The following JAKMIP1 variants were observed in gnomAD, a reference collection of about 807,000 sequenced individuals.
The protein encoded by JAKMIP1 is janus kinase and microtubule-interacting protein 1.
A neutral mutation model predicts 113.0 loss-of-function variants in JAKMIP1; 33 were observed. That is an observed-to-expected ratio of 0.29 (90% CI 0.22 to 0.39). The LOEUF is 0.39. Among genes scored for constraint, JAKMIP1 ranks in the 10% least tolerant of loss-of-function variants. JAKMIP1 has a pLI of 1.00. For synonymous variants in JAKMIP1, 480 were observed against 459.9 expected (o/e 1.04, Z -0.56); for missense variants, 813 against 1,080.5 (o/e 0.75, Z 3.47).
rs548283475 is a variant in JAKMIP1, at chr4:6,059,716, G to C, written c.1644+708C>G. On this transcript the variant is annotated intron_variant, in intron 11 of 20. Coordinates refer to ENST00000409021, the MANE Select transcript of JAKMIP1 (RefSeq NM_001099433.2). The surrounding 1 kb of genome is among the most constrained non-coding windows in gnomAD (Gnocchi z 4.8). ...AGGCCCTTGGGAGAAACAGGAGTGTGAACAGAATACACCTTGTCACATGGA... is the reference window on the plus strand; with the variant it reads ...AGGCCCTTGGGAGAAACAGGAGTGTCAACAGAATACACCTTGTCACATGGA... Among the ~76,000 whole-genome samples, 4 of 152,220 alleles carry C rather than the reference G, an allele frequency of 2.6e-5. No homozygotes were observed. In the East Asian group the frequency reaches 7.8e-4, roughly 30 times the overall value.
Position 6,200,531 on chromosome 4 carries a change from G to T in JAKMIP1, c.-426C>A, listed in dbSNP as rs1300008166. 6.7e-6 allele frequency: 1 copy of T among 150,212 alleles called. No individual in the cohort carries two copies. The highest frequency in any genetic ancestry group is 1.5e-5 in the Non-Finnish European group (1 of 67,380). The allele number at this position is 150,212 out of a possible 1,614,324, so 9.3% of individuals were successfully genotyped here. A position where few individuals can be genotyped will look rare whatever the true frequency, so the allele number is the denominator to read the frequency against. ...CGCGATCCGGGCAGGCGGCCGGCGC[G>T]TGCCGCACGCGGGTGGCTGCAGCTC... On this transcript the variant is annotated 5_prime_UTR_variant, in exon 1 of 21. Transcript: ENST00000409021. This position sits in a 1 kb window ranked among gnomAD's most constrained non-coding sequence, Gnocchi z 7.0.
chr4:6,189,635 G>A (rs1026255306), intron 1 of JAKMIP1, among the ~76,000 whole-genome samples: 2 of 152,198 alleles, frequency 1.3e-5, no homozygotes, highest in South Asian at 2.1e-4. Flanking sequence ...TACCCTCACA[G>A]AGCCCTCTGT....
At chr4:6,122,533 G>C (rs1459653512) in intron 1 of JAKMIP1, among the ~76,000 whole-genome samples, 1 of 152,218 alleles carries the variant, frequency 6.6e-6, no homozygotes, top group Non-Finnish European at 1.5e-5. Context: ...AGATGGTGCT[G>C]AGATTCAAGG....
chr4:6,088,089 G>C lies in JAKMIP1; in HGVS notation c.625-2460C>G, dbSNP rs750866327. The stretch of plus-strand genomic sequence containing the variant: ...TTATTCATTTAATTCACTCAAGCAC[G>C]CTTTCATTAACTCAACACATGCTGA... On this transcript the variant is annotated intron_variant, in intron 3 of 20. Coordinates refer to ENST00000409021, the MANE Select transcript of JAKMIP1 (RefSeq NM_001099433.2). The surrounding 1 kb of genome is among the most constrained non-coding windows in gnomAD (Gnocchi z 5.5). 5.9e-5 allele frequency among the ~76,000 whole-genome samples: 9 copies of C among 152,194 alleles called. No homozygotes were observed. The highest frequency in any genetic ancestry group is 5.2e-4 in the Admixed American group (8 of 15,286).
chr4:6,177,278 C>A (rs75429247), intron 1 of JAKMIP1, among the ~76,000 whole-genome samples: 2,145 of 152,286 alleles, frequency 0.014, 19 homozygotes, highest in Middle Eastern at 0.02. Flanking sequence ...CCGACCTCCC[C>A]ATTGCACAGA....
intron 2 of JAKMIP1, among the ~76,000 whole-genome samples, chr4:6,109,079 G>A (rs1195868470): frequency 6.6e-6 from 1 of 151,758 alleles, no homozygotes; most frequent in East Asian, 1.9e-4. Context: ...GAAACTGCTG[G>A]GTCTAGCGCT....
rs989796870 is a variant in JAKMIP1, at chr4:6,106,642, C to G, written c.130-675G>C. ...GCTGCCCAGGGTGAGGGATGAGGAC[C>G]CTGTGCTACCAGGCAACCCACCCCG... is the stretch of plus-strand genomic sequence containing the variant. On this transcript the variant is annotated intron_variant, in intron 2 of 20. Coordinates refer to ENST00000409021, the MANE Select transcript of JAKMIP1 (RefSeq NM_001099433.2). This position sits in a 1 kb window ranked among gnomAD's most constrained non-coding sequence, Gnocchi z 5.9. 2.6e-5 allele frequency among the ~76,000 whole-genome samples: 4 copies of G among 152,106 alleles called. No homozygotes were observed. The highest frequency in any genetic ancestry group is 4.4e-5 in the Non-Finnish European group (3 of 68,006).
At position 6,106,961 on chromosome 4, in the gene JAKMIP1, A is replaced by G. The variant is rs939281109; in HGVS notation, c.130-994T>C. On this transcript the variant is annotated intron_variant, in intron 2 of 20. Coordinates refer to ENST00000409021, the MANE Select transcript of JAKMIP1 (RefSeq NM_001099433.2). This position sits in a 1 kb window ranked among gnomAD's most constrained non-coding sequence, Gnocchi z 5.9. ...ATAGTCACATGTTAAAATTAATTTT[A>G]GGTGAGAAGTTTTACAATGGCACCT... is the stretch of plus-strand genomic sequence containing the variant. Among the ~76,000 whole-genome samples, 1 of 152,218 alleles carries G rather than the reference A, an allele frequency of 6.6e-6. No homozygotes were observed. The highest frequency in any genetic ancestry group is 1.5e-5 in the Non-Finnish European group (1 of 68,038).
chr4:6,070,436 C>T (rs534553917), intron 8 of JAKMIP1, among the ~76,000 whole-genome samples: 7 of 152,374 alleles, frequency 4.6e-5, no homozygotes, highest in African/African-American at 1.4e-4. Flanking sequence ...ATGCTGGCCA[C>T]GCCAACCGCG....
rs113514072 is a variant in JAKMIP1, at chr4:6,042,198, G to A, written c.2058C>T (p.Ala686=). The A allele has an allele frequency of 6.3e-4, 1,011 of 1,613,782 alleles. 4 individuals carry two copies. The Middle Eastern group carries it at 8.4e-3, about 13-fold the overall frequency. Residue 686 remains alanine (A), a synonymous_variant, in exon 17 of 21, where the codon GCC becomes GCT. Transcript: ENST00000409021. This position sits in a 1 kb window ranked among gnomAD's most constrained non-coding sequence, Gnocchi z 5.2. ...KWLKQIEGTE[A]ALTQKMLDLE... ...GGTCCAGCATCTTCTGGGTCAGGGC[G>A]GCCTCGGTCCCCTCTATTTGCTTCA...
At chr4:6,151,532 C>G (rs566123576) in intron 1 of JAKMIP1, among the ~76,000 whole-genome samples, 4 of 152,286 alleles carry the variant, frequency 2.6e-5, no homozygotes, top group Non-Finnish European at 4.4e-5. Flanking sequence ...CTGGCCAACT[C>G]TAGCCTCAAT....
At position 6,180,410 on chromosome 4, in the gene JAKMIP1, C is replaced by T. The variant is rs1725884644; in HGVS notation, c.-148+19843G>A. 6.6e-6 allele frequency among the ~76,000 whole-genome samples: 1 copy of T among 152,148 alleles called. No homozygotes were observed. Among genetic ancestry groups the T allele is most frequent in the South Asian group, 2.1e-4 (1 of 4,828 alleles). On this transcript the variant is annotated intron_variant, in intron 1 of 20. Coordinates refer to ENST00000409021, the MANE Select transcript of JAKMIP1 (RefSeq NM_001099433.2). The surrounding 1 kb of genome is among the most constrained non-coding windows in gnomAD (Gnocchi z 4.5). Reference sequence around the variant, plus strand: ...GATTTTCACTATAAAATCTTATCAGCTGCTGAACAGGAGAGAAACTTGGAG... The same window carrying T: ...GATTTTCACTATAAAATCTTATCAGTTGCTGAACAGGAGAGAAACTTGGAG...
rs929462170 is a variant in JAKMIP1, at chr4:6,168,229, G to T, written c.-148+32024C>A. 3.9e-5 allele frequency among the ~76,000 whole-genome samples: 6 copies of T among 152,208 alleles called. No homozygotes were observed. Among genetic ancestry groups the T allele is most frequent in the African/African-American group, 1.4e-4 (6 of 41,454 alleles). Reference sequence around the variant, plus strand: ...TGCAGCCACTTTGGAAAACAGTCTGGTGGTTCCTTAAAATGTGAAACGCAG... The same window carrying T: ...TGCAGCCACTTTGGAAAACAGTCTGTTGGTTCCTTAAAATGTGAAACGCAG... On this transcript the variant is annotated intron_variant, in intron 1 of 20. Coordinates refer to ENST00000409021, the MANE Select transcript of JAKMIP1 (RefSeq NM_001099433.2). This position sits in a 1 kb window ranked among gnomAD's most constrained non-coding sequence, Gnocchi z 4.6.
intron 1 of JAKMIP1, among the ~76,000 whole-genome samples, chr4:6,161,076 A>C (rs1442614535): frequency 8.0e-5 from 8 of 99,518 alleles, no homozygotes; most frequent in African/African-American, 1.3e-4. Context: ...TCTGATCTCC[A>C]CTCACCTCCT....
At position 6,081,516 on chromosome 4, in the gene JAKMIP1, G is replaced by T; in HGVS notation, c.1101+93C>A. Reference sequence around the variant, plus strand: ...TTGTGGGGAGGTGGGCAGCAGGTGCGCCCCAGAACATGTGAATCGGGAGGT... The same window carrying T: ...TTGTGGGGAGGTGGGCAGCAGGTGCTCCCCAGAACATGTGAATCGGGAGGT... On this transcript the variant is annotated intron_variant, in intron 6 of 20. Transcript: ENST00000409021. This position sits in a 1 kb window ranked among gnomAD's most constrained non-coding sequence, Gnocchi z 4.6. The T allele has an allele frequency of 7.0e-7, 1 of 1,434,854 alleles. No individual in the cohort carries two copies. The highest frequency in any genetic ancestry group is 9.6e-7 in the Non-Finnish European group (1 of 1,042,078). The allele number at this position is 1,434,854 out of a possible 1,614,324, so 88.9% of individuals were successfully genotyped here. A position where few individuals can be genotyped will look rare whatever the true frequency, so the allele number is the denominator to read the frequency against.
At chr4:6,118,246 G>A (rs1202225546) in intron 1 of JAKMIP1, among the ~76,000 whole-genome samples, 6 of 152,180 alleles carry the variant, frequency 3.9e-5, no homozygotes, top group African/African-American at 7.2e-5. Context: ...GGCTTCAGCC[G>A]GTCCCTCCGT....
intron 1 of JAKMIP1, among the ~76,000 whole-genome samples, chr4:6,149,346 G>C (rs1721272925): frequency 6.6e-6 from 1 of 152,202 alleles, no homozygotes; most frequent in African/African-American, 2.4e-5. Context: ...AGGAGGAAGA[G>C]ACAAGCGGAG....
In JAKMIP1 at chr4:6,129,755, C is replaced by A. The variant is rs1054086884; in HGVS notation, c.-147-16758G>T. 2.0e-5 allele frequency among the ~76,000 whole-genome samples: 3 copies of A among 152,212 alleles called. No individual in the cohort carries two copies. Among genetic ancestry groups the A allele is most frequent in the African/African-American group, 7.2e-5 (3 of 41,454 alleles). Reference sequence around the variant, plus strand: ...ATTTCTCCATGAAGCACAACTCCCGCCCCTAGAAAAGTATTCTGAGGTCAA... The same window carrying A: ...ATTTCTCCATGAAGCACAACTCCCGACCCTAGAAAAGTATTCTGAGGTCAA... On this transcript the variant is annotated intron_variant, in intron 1 of 20. Transcript: ENST00000409021. The surrounding 1 kb of genome is among the most constrained non-coding windows in gnomAD (Gnocchi z 5.4).
In JAKMIP1 at chr4:6,183,413, A is replaced by G. The variant is rs976320978; in HGVS notation, c.-148+16840T>C. ...AGAGTCGCTTGAACCTGGGAGGCAG[A>G]GGTTACAGTGAGCCAAGATCATGCC... On this transcript the variant is annotated intron_variant, in intron 1 of 20. Transcript: ENST00000409021. The surrounding 1 kb of genome is among the most constrained non-coding windows in gnomAD (Gnocchi z 5.3). Among the ~76,000 whole-genome samples, 3 of 151,812 alleles carry G rather than the reference A, an allele frequency of 2.0e-5. No individual in the cohort carries two copies. The highest frequency in any genetic ancestry group is 7.3e-5 in the African/African-American group (3 of 41,318).
Sources: allele counts gnomAD v4.1 joint callset (sites outside exome capture counted in the v4.1 genomes callset), GRCh38; gene constraint gnomAD v4.1.1; non-coding constraint Gnocchi (gnomAD v3.1); transcripts MANE v1.5; gene names NCBI Gene and HGNC (gene_info 2026-07-23, HGNC 2026-07-21).